The following CACNB2 variants were observed in gnomAD, a reference collection of about 807,000 sequenced individuals.
CACNB2 encodes the protein voltage-dependent L-type calcium channel subunit beta-2.
Under a neutral mutation model 73.3 loss-of-function variants are expected in CACNB2, and 42 were observed. The observed-to-expected ratio is 0.57, with a 90% CI of 0.45 to 0.74. The LOEUF is 0.74. CACNB2 is among the 30% of genes least tolerant of loss of function. The pLI, the probability that CACNB2 is intolerant of heterozygous loss-of-function variation, is 0.00. For missense variants in CACNB2, 940 were observed against 853.0 expected, an observed-to-expected ratio of 1.10 and a Z score of -1.27; for synonymous variants, 348 against 310.3, an observed-to-expected ratio of 1.12 and a Z score of -1.28.
chr10:18,287,287 C>A (rs1240660372), intron 2 of CACNB2, among the ~76,000 whole-genome samples: 1 of 152,070 alleles, frequency 6.6e-6, no homozygotes. Flanking sequence ...TGAGATCACA[C>A]CACTGCACTC....
intron 2 of CACNB2, among the ~76,000 whole-genome samples, chr10:18,207,950 T>C (rs1000248856): frequency 1.3e-5 from 2 of 152,252 alleles, no homozygotes; most frequent in Non-Finnish European, 2.9e-5. Context: ...TGTAGAATTC[T>C]GCATAGTAGA....
chr10:18,388,788 A>T (rs1213686436), intron 2 of CACNB2, among the ~76,000 whole-genome samples: 1 of 151,788 alleles, frequency 6.6e-6, no homozygotes, highest in Non-Finnish European at 1.5e-5. Flanking sequence ...ATAATCATAA[A>T]ATTTTATGTC....
At chr10:18,458,081 T>C (rs1436113455) in intron 3 of CACNB2, among the ~76,000 whole-genome samples, 1 of 152,226 alleles carries the variant, frequency 6.6e-6, no homozygotes, top group Non-Finnish European at 1.5e-5. Context: ...GAGAAATCAT[T>C]TAACCAATTC....
At chr10:18,435,526 T>C (rs1034579108) in intron 3 of CACNB2, among the ~76,000 whole-genome samples, 2 of 152,014 alleles carry the variant, frequency 1.3e-5, no homozygotes, top group Non-Finnish European at 2.9e-5. Flanking sequence ...TGATATAGGG[T>C]CTCATTCTGT....
intron 3 of CACNB2, among the ~76,000 whole-genome samples, chr10:18,422,503 T>C (rs184270579): frequency 5.3e-5 from 8 of 152,352 alleles, no homozygotes; most frequent in Middle Eastern, 6.8e-3. Flanking sequence ...TGGACACATC[T>C]CCTGGTCTAG....
chr10:18,174,184 A>ACCTC (rs936621751), intron 2 of CACNB2, among the ~76,000 whole-genome samples: 15 of 145,214 alleles, frequency 1.0e-4, no homozygotes, highest in Admixed American at 3.4e-4. Context: ...TTCTTTCCTT[A>ACCTC]CCTCCCTCCC....
intron 2 of CACNB2, among the ~76,000 whole-genome samples, chr10:18,297,671 G>C (rs1222301699): frequency 2.0e-5 from 3 of 152,222 alleles, no homozygotes; most frequent in Admixed American, 1.3e-4. Context: ...GCCCAGGGCT[G>C]CTCCACTCCC....
chr10:18,326,764 T>C (rs990269560), intron 2 of CACNB2, among the ~76,000 whole-genome samples: 1 of 152,230 alleles, frequency 6.6e-6, no homozygotes, highest in Non-Finnish European at 1.5e-5. Flanking sequence ...TCTCACTCTG[T>C]TGCCCAAGTT....
chr10:18,390,977 A>C (rs918143677), intron 2 of CACNB2, among the ~76,000 whole-genome samples: 1 of 152,240 alleles, frequency 6.6e-6, no homozygotes, highest in Non-Finnish European at 1.5e-5. Flanking sequence ...ATGAAGAAGC[A>C]GAATTAATGG....
At chr10:18,425,552 C>T (rs900718510) in intron 3 of CACNB2, among the ~76,000 whole-genome samples, 3 of 152,016 alleles carry the variant, frequency 2.0e-5, no homozygotes, top group Non-Finnish European at 2.9e-5. Flanking sequence ...CCACTGGTCC[C>T]AGCTACTTGG....
At chr10:18,374,355 T>C (rs2042707542) in intron 2 of CACNB2, among the ~76,000 whole-genome samples, 1 of 152,118 alleles carries the variant, frequency 6.6e-6, no homozygotes, top group Admixed American at 6.5e-5. Context: ...CCTGAATTAA[T>C]AAGAAAGAGA....
chr10:18,259,564 CAAAAAA>C (rs1175522949), intron 2 of CACNB2, among the ~76,000 whole-genome samples: 1 of 124,732 alleles, frequency 8.0e-6, no homozygotes, highest in Non-Finnish European at 1.6e-5. Context: ...AAAAAACAAA[CAAAAAA>C]AAAAAGTAAA....
In CACNB2 at chr10:18,151,845, C is replaced by T. The variant is rs540602172; in HGVS notation, c.213+870C>T. On this transcript the variant is annotated intron_variant, in intron 2 of 13. Transcript: ENST00000324631. ...CTCTTGTCAATGACAGCTCACTCTACGGAACAGTGGTAGTCAACTGGAAAA... is the reference window on the plus strand; with the variant it reads ...CTCTTGTCAATGACAGCTCACTCTATGGAACAGTGGTAGTCAACTGGAAAA... Among the ~76,000 whole-genome samples, 315 of 152,232 alleles carry T rather than the reference C, an allele frequency of 2.1e-3. 1 individual carries two copies. The highest frequency in any genetic ancestry group is 3.3e-3 in the Non-Finnish European group (227 of 68,020).
intron 2 of CACNB2, among the ~76,000 whole-genome samples, chr10:18,290,456 AC>A (rs771091074): frequency 6.6e-6 from 1 of 151,792 alleles, no homozygotes; most frequent in Non-Finnish European, 1.5e-5. Flanking sequence ...TCCCTCTGTC[AC>A]CTCCCATCAC....
At chr10:18,189,650 A>T (rs555199848) in intron 2 of CACNB2, among the ~76,000 whole-genome samples, 1 of 152,246 alleles carries the variant, frequency 6.6e-6, no homozygotes, top group East Asian at 1.9e-4. Flanking sequence ...TAATTTTTTC[A>T]TTATTAAAAG....
At chr10:18,386,119 A>G (rs2043219744) in intron 2 of CACNB2, among the ~76,000 whole-genome samples, 1 of 152,194 alleles carries the variant, frequency 6.6e-6, no homozygotes, top group South Asian at 2.1e-4. Context: ...AATCTTTGCC[A>G]ATAAAAATTA....
At chr10:18,498,737 G>T in intron 4 of CACNB2, 1 of 452,242 alleles carries the variant, frequency 2.2e-6, no homozygotes, top group East Asian at 4.4e-5. Context: ...TGCTAGAGTA[G>T]ATGATCCTTT....
At chr10:18,255,526 TC>T (rs2037248516) in intron 2 of CACNB2, among the ~76,000 whole-genome samples, 1 of 152,208 alleles carries the variant, frequency 6.6e-6, no homozygotes, top group Non-Finnish European at 1.5e-5. Context: ...GACTTTAAGC[TC>T]CTTGAAGGCA....
chr10:18,316,923 A>G (rs1158498586), intron 2 of CACNB2, among the ~76,000 whole-genome samples: 1 of 152,180 alleles, frequency 6.6e-6, no homozygotes, highest in Admixed American at 6.5e-5. Context: ...TCTTTTTATA[A>G]TTACCCTCAA....
Sources: gnomAD v4.1 joint callset for allele counts (sites outside exome capture counted in the v4.1 genomes callset) on GRCh38, gnomAD v4.1.1 for gene constraint, MANE v1.5 for transcripts, NCBI Gene and HGNC (gene_info 2026-07-23, HGNC 2026-07-21) for gene names.